The following PLXDC2 variants were observed in gnomAD, a reference collection of about 807,000 sequenced individuals.
PLXDC2 encodes plexin domain-containing protein 2.
A neutral mutation model predicts 68.9 loss-of-function variants in PLXDC2; 40 were observed. The ratio of observed to expected loss-of-function variants is 0.58; its 90% CI spans 0.45 to 0.76. The LOEUF is 0.76. Among genes scored for constraint, PLXDC2 ranks in the 30% least tolerant of loss-of-function variants. The probability of loss-of-function intolerance (pLI) is 0.00; values close to 1 mark genes in which losing one functional copy is unlikely to be tolerated. For missense variants in PLXDC2, 644 were observed against 661.9 expected (o/e 0.97, Z 0.30); for synonymous variants, 243 against 234.2 (o/e 1.04, Z -0.34).
intron 1 of PLXDC2, among the ~76,000 whole-genome samples, chr10:19,884,183 C>A (rs1359316788): frequency 6.6e-6 from 1 of 151,756 alleles, no homozygotes; most frequent in Admixed American, 6.6e-5. Context: ...AGGTGTGAAC[C>A]ACTGTGCCCG....
chr10:20,053,387 G>C (rs7923873), intron 3 of PLXDC2, among the ~76,000 whole-genome samples: 1 of 151,926 alleles, frequency 6.6e-6, no homozygotes, highest in Non-Finnish European at 1.5e-5. Flanking sequence ...AATTGGTATG[G>C]GTTCCTACCA....
intron 1 of PLXDC2, among the ~76,000 whole-genome samples, chr10:19,974,443 G>A (rs1454153344): frequency 1.3e-5 from 2 of 152,228 alleles, no homozygotes; most frequent in African/African-American, 4.8e-5. Context: ...GTCGTTCAAA[G>A]GCCATACTTC....
intron 4 of PLXDC2, among the ~76,000 whole-genome samples, chr10:20,076,501 C>T (rs1836454038): frequency 6.6e-6 from 1 of 152,150 alleles, no homozygotes; most frequent in Non-Finnish European, 1.5e-5. Context: ...TTAATGATAC[C>T]TGTTTCATAG....
chr10:19,912,021 G>A (rs1313734619), intron 1 of PLXDC2, among the ~76,000 whole-genome samples: 1 of 152,004 alleles, frequency 6.6e-6, no homozygotes, highest in Non-Finnish European at 1.5e-5. Flanking sequence ...CTTATTACTT[G>A]TGCCATTTTC....
chr10:20,265,484 C>T (rs1312072657), intron 13 of PLXDC2, among the ~76,000 whole-genome samples: 1 of 152,162 alleles, frequency 6.6e-6, no homozygotes, highest in Non-Finnish European at 1.5e-5. Flanking sequence ...ATGTGTGTTA[C>T]TCCATCTATA....
chr10:20,230,708 A>AAAAAAAAAAAAAAAAAAAAAAAAG, intron 12 of PLXDC2, among the ~76,000 whole-genome samples: 2 of 149,482 alleles, frequency 1.3e-5, no homozygotes, highest in Non-Finnish European at 3.0e-5. Context: ...AAAAAAAAAA[A>AAAAAAAAAAAAAAAAAAAAAAAAG]AAAAAACAGG....
chr10:20,187,542 A>G (rs754736232), intron 9 of PLXDC2, among the ~76,000 whole-genome samples: 2 of 151,638 alleles, frequency 1.3e-5, no homozygotes, highest in Non-Finnish European at 1.5e-5. Flanking sequence ...ATAAATTGTT[A>G]ATTACAGTTA....
chr10:19,939,507 A>G (rs1833780748), intron 1 of PLXDC2, among the ~76,000 whole-genome samples: 1 of 152,214 alleles, frequency 6.6e-6, no homozygotes, highest in African/African-American at 2.4e-5. Flanking sequence ...TGCCAAAAAA[A>G]AAGAGAACTG....
At chr10:19,991,616 G>T (rs1045964227) in intron 1 of PLXDC2, among the ~76,000 whole-genome samples, 1 of 152,008 alleles carries the variant, frequency 6.6e-6, no homozygotes, top group African/African-American at 2.4e-5. Context: ...GTCTCTGGTC[G>T]TTGGATAAGT....
intron 13 of PLXDC2, among the ~76,000 whole-genome samples, chr10:20,265,673 G>A (rs1835863524): frequency 6.6e-6 from 1 of 152,132 alleles, no homozygotes. Context: ...CCTCATGTAA[G>A]TCATTAAAAA....
At chr10:20,250,318 ATATCAGAGCTCATGCACCCAGTCTCC>A (rs1490870803) in intron 13 of PLXDC2, among the ~76,000 whole-genome samples, 3 of 151,380 alleles carry the variant, frequency 2.0e-5, no homozygotes, top group Admixed American at 2.0e-4. Flanking sequence ...TTGAGTGTAT[ATATCAGAGCTCATGCACCCAGTCTCC>A]TATTGCAGAG....
At position 19,816,825 on chromosome 10, in the gene PLXDC2, A is replaced by G; in HGVS notation, c.-255A>G. On this transcript the variant is annotated 5_prime_UTR_variant, in exon 1 of 14. Coordinates refer to ENST00000377252, the MANE Select transcript of PLXDC2 (RefSeq NM_032812.9). ...CCTCTCCTCCCCGCGGTTGTTGTTC[A>G]GTGTCGGGTGAGGGCTGCGAGTGTG... 1 of 546,460 alleles carries G rather than the reference A, an allele frequency of 1.8e-6. No homozygotes were observed. Among genetic ancestry groups the G allele is most frequent in the Non-Finnish European group, 3.3e-6 (1 of 307,610 alleles). The allele number at this position is 546,460 out of a possible 1,614,324, so 33.9% of individuals were successfully genotyped here.
At chr10:19,864,572 G>T (rs574829873) in intron 1 of PLXDC2, among the ~76,000 whole-genome samples, 1 of 152,148 alleles carries the variant, frequency 6.6e-6, no homozygotes, top group Non-Finnish European at 1.5e-5. Context: ...AAGCTTCAGG[G>T]GAAGTGCTGA....
chr10:20,112,082 G>A (rs1000715139), intron 4 of PLXDC2, among the ~76,000 whole-genome samples: 4 of 152,060 alleles, frequency 2.6e-5, no homozygotes, highest in African/African-American at 7.2e-5. Flanking sequence ...CAGCAAGAAG[G>A]TCTGTGTCCT....
intron 1 of PLXDC2, among the ~76,000 whole-genome samples, chr10:19,988,683 G>T (rs956277637): frequency 7.5e-6 from 1 of 132,718 alleles, no homozygotes; most frequent in Non-Finnish European, 1.6e-5. Context: ...TTTCAGTATT[G>T]TTATTTTCTG....
At chr10:20,224,477 A>AT (rs1225812628) in intron 12 of PLXDC2, among the ~76,000 whole-genome samples, 1 of 152,216 alleles carries the variant, frequency 6.6e-6, no homozygotes, top group Non-Finnish European at 1.5e-5. Flanking sequence ...CTTCTTTGAC[A>AT]TTTGATTAGG....
At chr10:19,860,267 A>G (rs1241105842) in intron 1 of PLXDC2, among the ~76,000 whole-genome samples, 4 of 152,200 alleles carry the variant, frequency 2.6e-5, no homozygotes, top group African/African-American at 9.6e-5. Flanking sequence ...AAGTAAATCC[A>G]GTGACTTTTG....
chr10:20,219,006 T>C, intron 11 of PLXDC2, 58 bp from the exon 12 acceptor site: 1 of 1,581,376 alleles, frequency 6.3e-7, no homozygotes, highest in Non-Finnish European at 8.6e-7. Context: ...GTCATAAGAT[T>C]TATGCTCCTT....
intron 8 of PLXDC2, 39 bp from the exon 9 acceptor site, chr10:20,177,289 C>T: frequency 5.3e-6 from 8 of 1,501,078 alleles, no homozygotes; most frequent in Non-Finnish European, 7.4e-6. Context: ...TCCAAGTTGC[C>T]TGTTAGTCTT....
Sources: allele counts gnomAD v4.1 joint callset (sites outside exome capture counted in the v4.1 genomes callset), GRCh38; gene constraint gnomAD v4.1.1; transcripts MANE v1.5; gene names NCBI Gene and HGNC (gene_info 2026-07-23, HGNC 2026-07-21).